Variants in ATP6V1G3 observed in about 807,000 individuals in gnomAD.
ATP6V1G3 encodes ATPase H+ transporting V1 subunit G3.
A neutral mutation model predicts 9.3 loss-of-function variants in ATP6V1G3; 9 were observed. The observed-to-expected ratio is 0.97, with a 90% CI of 0.59 to 1.69. The LOEUF is 1.69. Among genes scored for constraint, ATP6V1G3 ranks in the 40% most tolerant of loss-of-function variants. The pLI is 0.00. For missense variants in ATP6V1G3, 133 were observed against 139.0 expected, an observed-to-expected ratio of 0.96 and a Z score of 0.22; for synonymous variants, 43 against 43.8, an observed-to-expected ratio of 0.98 and a Z score of 0.07.
intron 1 of ATP6V1G3, among the ~76,000 whole-genome samples, chr1:198,539,886 T>C (rs2103148207): frequency 6.6e-6 from 1 of 152,322 alleles, no homozygotes; most frequent in East Asian, 1.9e-4. Context: ...TTGAAGTTCA[T>C]TGAGGACATT....
intron 1 of ATP6V1G3, among the ~76,000 whole-genome samples, chr1:198,536,427 T>G (rs1205708797): frequency 6.6e-6 from 1 of 152,208 alleles, no homozygotes; most frequent in Non-Finnish European, 1.5e-5. Flanking sequence ...GGCAGATCTC[T>G]GATGTTTAGG....
intron 2 of ATP6V1G3, among the ~76,000 whole-genome samples, chr1:198,525,097 A>G (rs886412729): frequency 1.4e-4 from 22 of 152,338 alleles, no homozygotes; most frequent in African/African-American, 4.8e-4. Flanking sequence ...TAACATTTTG[A>G]TAAGTGAGTA....
At chr1:198,540,743 G>A (rs1393327162), upstream of ATP6V1G3, 4 of 1,296,292 alleles carry the variant, frequency 3.1e-6, no homozygotes, top group East Asian at 2.3e-5. Flanking sequence ...TCAGATTATT[G>A]TGTCAACAGC....
chr1:198,530,916 A>G (rs1007298192), intron 1 of ATP6V1G3, among the ~76,000 whole-genome samples: 1 of 152,122 alleles, frequency 6.6e-6, no homozygotes, highest in African/African-American at 2.4e-5. Context: ...TTATTTTACA[A>G]AATAAATCAC....
chr1:198,528,183 G>A (rs1389965691), intron 2 of ATP6V1G3, among the ~76,000 whole-genome samples: 4 of 152,098 alleles, frequency 2.6e-5, no homozygotes, highest in African/African-American at 9.7e-5. Flanking sequence ...TATGTTTGCT[G>A]AGTGGTCCAT....
chr1:198,528,629 A>G (rs1318066952), intron 2 of ATP6V1G3, among the ~76,000 whole-genome samples: 1 of 152,146 alleles, frequency 6.6e-6, no homozygotes, highest in Non-Finnish European at 1.5e-5. Flanking sequence ...GAAATACCAG[A>G]AGGCTTTTCA....
At chr1:198,535,581 T>C (rs1230438294) in intron 1 of ATP6V1G3, among the ~76,000 whole-genome samples, 1 of 152,056 alleles carries the variant, frequency 6.6e-6, no homozygotes, top group Non-Finnish European at 1.5e-5. Context: ...CTCCAGGACT[T>C]TTTTGCTGTT....
At chr1:198,530,281 A>G (rs1400791030) in intron 1 of ATP6V1G3, among the ~76,000 whole-genome samples, 1 of 152,164 alleles carries the variant, frequency 6.6e-6, no homozygotes, top group Non-Finnish European at 1.5e-5. Context: ...ACTAAAGAAT[A>G]ATGTGTTCTC....
intron 1 of ATP6V1G3, among the ~76,000 whole-genome samples, chr1:198,536,350 G>T (rs568559073): frequency 1.3e-5 from 2 of 152,234 alleles, no homozygotes; most frequent in South Asian, 2.1e-4. Flanking sequence ...GTTGATAATG[G>T]TACTTTGAAT....
intron 1 of ATP6V1G3, among the ~76,000 whole-genome samples, chr1:198,536,247 G>A (rs1660110566): frequency 1.3e-5 from 2 of 152,154 alleles, no homozygotes; most frequent in Non-Finnish European, 2.9e-5. Context: ...TTTGCAATGG[G>A]TGTAAGTGAA....
intron 1 of ATP6V1G3, among the ~76,000 whole-genome samples, chr1:198,529,882 T>C (rs947462413): frequency 2.6e-5 from 4 of 152,126 alleles, no homozygotes; most frequent in Admixed American, 2.6e-4. Context: ...TTTTCTTTTA[T>C]TAAGAGCAAA....
intron 1 of ATP6V1G3, among the ~76,000 whole-genome samples, chr1:198,530,767 G>A (rs1659868691): frequency 6.6e-6 from 1 of 151,950 alleles, no homozygotes; most frequent in African/African-American, 2.4e-5. Flanking sequence ...AGAATAAATC[G>A]ATGATATGTT....
intron 1 of ATP6V1G3, among the ~76,000 whole-genome samples, chr1:198,532,981 C>A (rs1453679279): frequency 3.3e-5 from 5 of 152,042 alleles, no homozygotes; most frequent in Non-Finnish European, 5.9e-5. Context: ...GGTTCTTAGC[C>A]AAGGCATGAC....
At chr1:198,539,482 G>C (rs967041262) in intron 1 of ATP6V1G3, among the ~76,000 whole-genome samples, 1 of 152,102 alleles carries the variant, frequency 6.6e-6, no homozygotes, top group Non-Finnish European at 1.5e-5. Context: ...ATATGAAATG[G>C]GATAGTGAAA....
intron 2 of ATP6V1G3, among the ~76,000 whole-genome samples, chr1:198,528,800 C>A (rs945065125): frequency 6.6e-6 from 1 of 151,672 alleles, no homozygotes; most frequent in Non-Finnish European, 1.5e-5. Context: ...TTTAAGCAAT[C>A]CCTTCAGCTT....
At chr1:198,535,612 A>G (rs1476813199) in intron 1 of ATP6V1G3, among the ~76,000 whole-genome samples, 2 of 152,058 alleles carry the variant, frequency 1.3e-5, no homozygotes, top group African/African-American at 2.4e-5. Flanking sequence ...AATTCTTTTT[A>G]TTGGATATTA....
At chr1:198,527,418 A>G (rs1211569483) in intron 2 of ATP6V1G3, among the ~76,000 whole-genome samples, 1 of 152,184 alleles carries the variant, frequency 6.6e-6, no homozygotes, top group South Asian at 2.1e-4. Flanking sequence ...CAAGATATAT[A>G]TATCTGATAA....
At chr1:198,530,401 CCTTCT>C (rs1399266024) in intron 1 of ATP6V1G3, among the ~76,000 whole-genome samples, 2 of 152,056 alleles carry the variant, frequency 1.3e-5, no homozygotes, top group African/African-American at 2.4e-5. Context: ...AATTTCTTTC[CCTTCT>C]AAGTATGAGT....
chr1:198,525,636 T>G (rs74715033), intron 2 of ATP6V1G3, among the ~76,000 whole-genome samples: 1 of 152,278 alleles, frequency 6.6e-6, no homozygotes, highest in East Asian at 1.9e-4. Context: ...ATATTTAATC[T>G]AATAATATTC....
Sources: gnomAD v4.1 joint callset for allele counts (sites outside exome capture counted in the v4.1 genomes callset) on GRCh38, gnomAD v4.1.1 for gene constraint, MANE v1.5 for transcripts, NCBI Gene and HGNC (gene_info 2026-07-23, HGNC 2026-07-21) for gene names.